The following FCGR1A variants were observed in gnomAD, a reference collection of about 807,000 sequenced individuals.
FCGR1A encodes the protein Fc gamma receptor Ia, also known as high affinity immunoglobulin gamma Fc receptor I.
FCGR1A carries 13 observed loss-of-function variants against 35.0 expected under a neutral mutation model. That is an observed-to-expected ratio of 0.37 (90% CI 0.24 to 0.59). The LOEUF (loss-of-function observed/expected upper bound fraction) is 0.59, where lower values mean the gene tolerates loss of function less well. FCGR1A is among the 20% of genes least tolerant of loss of function. FCGR1A has a pLI of 0.71. For synonymous variants in FCGR1A, 91 were observed against 164.7 expected (o/e 0.55, Z 3.43); for missense variants, 227 against 430.0 (o/e 0.53, Z 4.17).
intron 3 of FCGR1A, among the ~76,000 whole-genome samples, chr1:149,785,192 G>T (rs1304884506): frequency 6.6e-6 from 1 of 152,166 alleles, no homozygotes; most frequent in Non-Finnish European, 1.5e-5. Context: ...GAAGTGATGA[G>T]TTTAAACTTC....
rs781957513 is a variant in FCGR1A at position 149,791,244 on chromosome 1, G to T, written c.852G>T (p.Gln284His). ...PELELQVLGLQLPTPVWFHVL... is the reference protein window; with the variant it reads ...PELELQVLGLHLPTPVWFHVL... Reference sequence around the variant, plus strand: ...TGTCTTTTTCTGTTTCAGGCCTCCAGTTACCAACTCCTGTCTGGTTTCATG... The same window carrying T: ...TGTCTTTTTCTGTTTCAGGCCTCCATTTACCAACTCCTGTCTGGTTTCATG... The change falls in exon 6 of 6, where the codon CAG (glutamine) becomes CAT (histidine). Residue 284 changes from glutamine (Q) to histidine (H), a missense_variant. Transcript: ENST00000369168. 3 of 1,605,058 alleles carry T rather than the reference G, an allele frequency of 1.9e-6. No individual in the cohort carries two copies. The highest frequency in any genetic ancestry group is 2.5e-6 in the Non-Finnish European group (3 of 1,176,960).
chr1:149,792,588 G>C (rs1404751424), downstream of FCGR1A: 6 of 1,200,604 alleles, frequency 5.0e-6, 1 homozygote, highest in Non-Finnish European at 4.2e-6. Flanking sequence ...CGCTCCGAGC[G>C]TGTCCCGCGG....
chr1:149,800,358 CATTGGTGATCG>C, the FCGR1A span, among the ~76,000 whole-genome samples: 5 of 151,756 alleles, frequency 3.3e-5, no homozygotes, highest in Non-Finnish European at 7.4e-5. Flanking sequence ...AACCATTGGC[CATTGGTGATCG>C]GCTTAACCTT....
At chr1:149,793,809 T>G (rs2091767900), downstream of FCGR1A, among the ~76,000 whole-genome samples, 1 of 151,890 alleles carries the variant, frequency 6.6e-6, no homozygotes, top group South Asian at 2.1e-4. Context: ...TCAGGCCCGT[T>G]TCAGAACACT....
rs782016324 is a variant in FCGR1A at position 149,784,091 on chromosome 1, T to C, written c.141T>C (p.His47=). The C allele has an allele frequency of 6.2e-7, 1 of 1,611,480 alleles. No homozygotes were observed. Among genetic ancestry groups the C allele is most frequent in the Admixed American group, 1.7e-5 (1 of 59,968 alleles). The part of the protein sequence containing the change: ...ETVTLHCEVL[H]LPGSSSTQWF... Reference sequence around the variant, plus strand: ...TAACCTTGCACTGTGAGGTGCTCCATCTGCCTGGGAGCAGCTCTACACAGT... The same window carrying C: ...TAACCTTGCACTGTGAGGTGCTCCACCTGCCTGGGAGCAGCTCTACACAGT... The change falls in exon 3 of 6, where the codon CAT becomes CAC. Residue 47 remains histidine, a synonymous_variant. Transcript: ENST00000369168.
downstream of FCGR1A, among the ~76,000 whole-genome samples, chr1:149,796,092 T>C (rs1553752754): frequency 6.6e-6 from 1 of 151,714 alleles, no homozygotes; most frequent in Non-Finnish European, 1.5e-5. Flanking sequence ...CTTGCTGTCC[T>C]TCTCTCTTTA....
downstream of FCGR1A, among the ~76,000 whole-genome samples, chr1:149,795,829 T>A (rs1174960329): frequency 1.6e-4 from 24 of 151,842 alleles, no homozygotes; most frequent in Non-Finnish European, 1.6e-4. Flanking sequence ...GAGCCATGCG[T>A]ACCTAAAATA....
downstream of FCGR1A, chr1:149,793,244 G>A (rs1553752427): frequency 4.0e-6 from 5 of 1,256,494 alleles, no homozygotes; most frequent in South Asian, 1.3e-5. Context: ...CGGAGGCGGC[G>A]GCGGCAGGGA....
chr1:149,791,875 GACAC>G, downstream of FCGR1A: 1 of 269,590 alleles, frequency 3.7e-6, no homozygotes, highest in Non-Finnish European at 6.7e-6. Context: ...GACAGAAAGA[GACAC>G]ACACACAGCC....
chr1:149,790,894 T>A (rs1225028050), intron 5 of FCGR1A, among the ~76,000 whole-genome samples: 1 of 152,100 alleles, frequency 6.6e-6, no homozygotes, highest in Admixed American at 6.5e-5. Context: ...AGAGGGATTG[T>A]GAGCTCTAGA....
At chr1:149,793,252 G>A, downstream of FCGR1A, 6 of 1,251,194 alleles carry the variant, frequency 4.8e-6, no homozygotes, top group Non-Finnish European at 6.2e-6. Flanking sequence ...GCGGCGGCAG[G>A]GAGGGAGCGG....
Position 149,791,484 on chromosome 1 carries a change from G to A in FCGR1A, c.1092G>A (p.Gly364=), listed in dbSNP as rs1553751907. The A allele has an allele frequency of 6.2e-7, 1 of 1,609,316 alleles. No homozygotes were observed. The highest frequency in any genetic ancestry group is 8.5e-7 in the Non-Finnish European group (1 of 1,179,244). The change falls in exon 6 of 6, where the codon GGG becomes GGA. Residue 364 remains glycine, a synonymous_variant. Coordinates refer to ENST00000369168, the MANE Select transcript of FCGR1A (RefSeq NM_000566.4). ...AAAAAGAAGAACAGCTGCAGGAAGG[G>A]GTGCACCGGAAGGAGCCCCAGGGGG... ...QEQKEEQLQE[G]VHRKEPQGAT
At chr1:149,787,370 G>A (rs2091580535) in intron 3 of FCGR1A, 1 of 152,216 alleles carries the variant, frequency 6.6e-6, no homozygotes, top group South Asian at 2.1e-4. Flanking sequence ...AAGAAAAGTA[G>A]TTGAAGCATT....
intron 3 of FCGR1A, 137 bp from the exon 4 acceptor site, chr1:149,788,229 G>C: frequency 6.3e-7 from 1 of 1,594,034 alleles, no homozygotes; most frequent in South Asian, 1.1e-5. Context: ...TTGAGGAACT[G>C]GATATAGGCC....
At chr1:149,789,667 C>T (rs6587579) in intron 4 of FCGR1A, among the ~76,000 whole-genome samples, 1,717 of 152,242 alleles carry the variant, frequency 0.011, 22 homozygotes, top group African/African-American at 0.039. Flanking sequence ...CAATCAGTGG[C>T]AACATTAGAT....
At chr1:149,799,513 A>G in the FCGR1A span, among the ~76,000 whole-genome samples, 311 of 152,074 alleles carry the variant, frequency 2.0e-3, no homozygotes, top group African/African-American at 7.0e-3. Context: ...TCTCATGACT[A>G]TGGTTGCATA....
At chr1:149,797,604 C>T in the FCGR1A span, among the ~76,000 whole-genome samples, 5 of 152,080 alleles carry the variant, frequency 3.3e-5, no homozygotes, top group South Asian at 2.1e-4. Context: ...CCTTTGTTAG[C>T]GTTTGAGTTA....
chr1:149,786,852 A>G (rs2091565674), intron 3 of FCGR1A: 1 of 152,146 alleles, frequency 6.6e-6, no homozygotes, highest in Non-Finnish European at 1.5e-5. Context: ...TTTGGTTAGA[A>G]TTTGTGTTAA....
At position 149,782,783 on chromosome 1, in the gene FCGR1A, G is replaced by C; in HGVS notation, c.31+9G>C. On this transcript the variant is annotated intron_variant, in intron 1 of 5. Transcript: ENST00000369168. ...AACTCTGCTCCTTTGGGGTAAGTTG[G>C]ACTCAGAGGGGACAGTTAGAAGGGT... The C allele has an allele frequency of 6.4e-7, 1 of 1,569,140 alleles. No homozygotes were observed. The highest frequency in any genetic ancestry group is 8.7e-7 in the Non-Finnish European group (1 of 1,146,722).
Sources: gnomAD v4.1 joint callset for allele counts (sites outside exome capture counted in the v4.1 genomes callset) on GRCh38, gnomAD v4.1.1 for gene constraint, MANE v1.5 for transcripts, NCBI Gene and HGNC (gene_info 2026-07-23, HGNC 2026-07-21) for gene names.